The following ZMYM5 variants were observed in gnomAD, a reference collection of about 807,000 sequenced individuals.
ZMYM5 encodes the protein zinc finger MYM-type protein 5.
A neutral mutation model predicts 61.8 loss-of-function variants in ZMYM5; 41 were observed. That is an observed-to-expected ratio of 0.66 (90% confidence interval 0.52 to 0.86). ZMYM5 has a LOEUF of 0.86. ZMYM5 is among the 40% of genes least tolerant of loss of function. ZMYM5 has a pLI of 0.00. For synonymous variants in ZMYM5, 257 were observed against 276.4 expected, an observed-to-expected ratio of 0.93 and a Z score of 0.70; for missense variants, 706 against 786.7, an observed-to-expected ratio of 0.90 and a Z score of 1.23.
At chr13:19,838,103 A>G (rs907966648) in intron 5 of ZMYM5, among the ~76,000 whole-genome samples, 1 of 152,156 alleles carries the variant, frequency 6.6e-6, no homozygotes, top group African/African-American at 2.4e-5. Context: ...TAGGCTGGGC[A>G]CAGTAGCTCA....
chr13:19,846,837 G>A (rs1195397533), intron 4 of ZMYM5, among the ~76,000 whole-genome samples: 1 of 151,896 alleles, frequency 6.6e-6, no homozygotes, highest in East Asian at 1.9e-4. Flanking sequence ...TGAGGTGGGA[G>A]GATAACTTGA....
rs1363420551 is a variant in ZMYM5 at position 19,837,713 on chromosome 13, A to G, written c.981T>C (p.Asn327=). 1 of 1,578,136 alleles carries G rather than the reference A, an allele frequency of 6.3e-7. No homozygotes were observed. The highest frequency in any genetic ancestry group is 8.5e-7 in the Non-Finnish European group (1 of 1,169,830). The change falls in exon 6 of 8, where the codon AAT becomes AAC. Residue 327 remains asparagine (N), a synonymous_variant. Transcript: ENST00000337963. ...SCLSPCENNW[N]LKKGVFNKSR... ...ACTTATTAAAAACTCCTTTTTTAAG[A>G]TTCCAGTTGTTTTCACAGGGAGACA...
intron 4 of ZMYM5, among the ~76,000 whole-genome samples, chr13:19,844,167 G>C (rs1952995354): frequency 6.6e-6 from 1 of 151,260 alleles, no homozygotes; most frequent in South Asian, 2.1e-4. Flanking sequence ...AATTAGCTAG[G>C]TGTGGTGGTA....
chr13:19,845,618 G>C (rs555195559), intron 4 of ZMYM5, among the ~76,000 whole-genome samples: 3 of 152,290 alleles, frequency 2.0e-5, no homozygotes, highest in Non-Finnish European at 4.4e-5. Context: ...CCCAAGGTTG[G>C]ATAATTTGTT....
At position 19,833,190 on chromosome 13, in the gene ZMYM5, T is replaced by C. The variant is rs564992612; in HGVS notation, c.1251+2287A>G. Among the ~76,000 whole-genome samples the C allele has an allele frequency of 7.2e-5, 11 of 152,334 alleles. No individual in the cohort carries two copies. In the South Asian group the frequency reaches 2.3e-3, roughly 32 times the overall value. On this transcript the variant is annotated intron_variant, in intron 7 of 7. Coordinates refer to ENST00000337963, the MANE Select transcript of ZMYM5 (RefSeq NM_001142684.2). ...AACTATGGGTATCCACTGTTTCTCC[T>C]GTTCGATAAAAGCCTAGCAATTCAG...
intron 4 of ZMYM5, among the ~76,000 whole-genome samples, chr13:19,849,457 T>C (rs1953202727): frequency 6.6e-6 from 1 of 152,152 alleles, no homozygotes; most frequent in Non-Finnish European, 1.5e-5. Flanking sequence ...TATTAGCATT[T>C]AGATTAAGTA....
chr13:19,855,856 A>G (rs1376634825), intron 2 of ZMYM5, among the ~76,000 whole-genome samples: 1 of 151,692 alleles, frequency 6.6e-6, no homozygotes, highest in Non-Finnish European at 1.5e-5. Context: ...CTAAAAAAAT[A>G]CAAAAAAAAA....
In ZMYM5 at chr13:19,833,945, G is replaced by A. The variant is rs577899617; in HGVS notation, c.1251+1532C>T. 2.6e-5 allele frequency among the ~76,000 whole-genome samples: 4 copies of A among 152,280 alleles called. No homozygotes were observed. In the South Asian group the frequency reaches 8.3e-4, roughly 32 times the overall value. On this transcript the variant is annotated intron_variant, in intron 7 of 7. Coordinates refer to ENST00000337963, the MANE Select transcript of ZMYM5 (RefSeq NM_001142684.2). ...GCTTGAACCCAGGAGTTCGAGACCA[G>A]CCTGGGCAACATATTGAGACCCACC...
chr13:19,853,284 G>T (rs9552018), intron 2 of ZMYM5, among the ~76,000 whole-genome samples: 122,864 of 152,214 alleles, frequency 0.81, 50,776 homozygotes, highest in East Asian at 0.96. Flanking sequence ...GAAACATGGG[G>T]GGCTCTTAAG....
intron 7 of ZMYM5, among the ~76,000 whole-genome samples, chr13:19,830,133 C>G (rs1485609973): frequency 6.6e-6 from 1 of 152,082 alleles, no homozygotes; most frequent in Non-Finnish European, 1.5e-5. Context: ...AAAATCATCC[C>G]TGATTGAGAA....
At chr13:19,836,457 TC>T (rs778182179) in intron 6 of ZMYM5, among the ~76,000 whole-genome samples, 4 of 152,218 alleles carry the variant, frequency 2.6e-5, no homozygotes, top group Admixed American at 6.5e-5. Flanking sequence ...TCTTTTTTTT[TC>T]TTTTGATAGT....
rs115563477 is a variant in ZMYM5, at chr13:19,851,943, T to C, written c.238A>G (p.Arg80Gly). ...SISAPAIADQ[R>G]NFIFASSKNE... ...TTTGATGATGCAAATATGAAGTTTCTTTGATCAGCTATTGCTGGAGCAGAA... is the reference window on the plus strand; with the variant it reads ...TTTGATGATGCAAATATGAAGTTTCCTTGATCAGCTATTGCTGGAGCAGAA... The change falls in exon 3 of 8, where the codon AGA becomes GGA. Residue 80 changes from arginine to glycine, a missense_variant. Transcript: ENST00000337963. 65 of 1,613,850 alleles carry C rather than the reference T, an allele frequency of 4.0e-5. No homozygotes were observed. The East Asian group carries it at 1.4e-3, about 34-fold the overall frequency.
intron 4 of ZMYM5, among the ~76,000 whole-genome samples, chr13:19,848,694 T>C (rs964147264): frequency 6.6e-6 from 1 of 152,040 alleles, no homozygotes; most frequent in African/African-American, 2.4e-5. Flanking sequence ...CCACCATGCC[T>C]GGCTACTTTT....
chr13:19,837,029 T>G (rs1289519116), intron 6 of ZMYM5, among the ~76,000 whole-genome samples: 2 of 123,550 alleles, frequency 1.6e-5, no homozygotes, highest in African/African-American at 3.5e-5. Flanking sequence ...TTTTTGTTTT[T>G]TTTTTTTTCT....
intron 3 of ZMYM5, 77 bp downstream of exon 3, chr13:19,851,612 A>C: frequency 6.5e-7 from 1 of 1,548,062 alleles, no homozygotes; most frequent in South Asian, 1.3e-5. Context: ...ACCTGTTTCT[A>C]AGGTTGTAAC....
chr13:19,823,799 A>G lies in ZMYM5; in HGVS notation c.*678T>C, dbSNP rs992988898. On this transcript the variant is annotated 3_prime_UTR_variant, in exon 8 of 8. Coordinates refer to ENST00000337963, the MANE Select transcript of ZMYM5 (RefSeq NM_001142684.2). ...ATCTTATTCAAACTGGTATTGATCAATTCAAGCCTTTCTTTCCTCTTTCAA... is the reference window on the plus strand; with the variant it reads ...ATCTTATTCAAACTGGTATTGATCAGTTCAAGCCTTTCTTTCCTCTTTCAA... 10 of 152,170 alleles carry G rather than the reference A, an allele frequency of 6.6e-5. No homozygotes were observed. The highest frequency in any genetic ancestry group is 1.7e-4 in the African/African-American group (7 of 41,450). The allele number at this position is 152,170 out of a possible 1,614,324, so 9.4% of individuals were successfully genotyped here.
chr13:19,863,067 G>A lies in ZMYM5; in HGVS notation c.-79+383C>T, dbSNP rs1487358632. ...GGGACCTCGGCTCCGGCGGCAGGGT[G>A]GCAGCGCGGTCCTGACAGCGAAGAC... On this transcript the variant is annotated intron_variant, in intron 1 of 7. Transcript: ENST00000337963. Among the ~76,000 whole-genome samples the A allele has an allele frequency of 4.6e-5, 7 of 152,300 alleles. No homozygotes were observed. In the South Asian group the frequency reaches 1.0e-3, roughly 23 times the overall value.
intron 2 of ZMYM5, among the ~76,000 whole-genome samples, chr13:19,860,655 C>T (rs886112549): frequency 1.3e-5 from 2 of 151,742 alleles, no homozygotes; most frequent in Non-Finnish European, 2.9e-5. Context: ...CCAGGCTAGT[C>T]TCGAACTTCT....
intron 7 of ZMYM5, 105 bp downstream of exon 7, chr13:19,835,372 G>T: frequency 1.2e-6 from 1 of 810,392 alleles, no homozygotes; most frequent in Non-Finnish European, 1.7e-6. Flanking sequence ...TGACAGAATG[G>T]CAAAATGGAA....
Sources: allele counts gnomAD v4.1 joint callset (sites outside exome capture counted in the v4.1 genomes callset), GRCh38; gene constraint gnomAD v4.1.1; transcripts MANE v1.5; gene names NCBI Gene and HGNC (gene_info 2026-07-23, HGNC 2026-07-21).